ECE1: variants seen among roughly 807,000 people sequenced by gnomAD.
ECE1 encodes the protein endothelin converting enzyme 1.
A neutral mutation model predicts 98.6 loss-of-function variants in ECE1; 35 were observed. The observed-to-expected ratio is 0.35, with a 90% confidence interval of 0.27 to 0.47. The LOEUF is 0.47. ECE1 is among the 20% of genes least tolerant of loss of function. The probability of loss-of-function intolerance (pLI) is 1.00; values close to 1 mark genes in which losing one functional copy is unlikely to be tolerated. For synonymous variants in ECE1, 394 were observed against 407.1 expected (o/e 0.97, Z 0.39); for missense variants, 814 against 1,025.3 (o/e 0.79, Z 2.81).
chr1:21,304,315 C>CAAAAAAAA (rs71014183), intron 1 of ECE1, among the ~76,000 whole-genome samples: 1 of 48,640 alleles, frequency 2.1e-5, no homozygotes, highest in Non-Finnish European at 3.4e-5. Context: ...GACTCCCTCT[C>CAAAAAAAA]AAAAAAAAAA....
At chr1:21,287,960 G>GA (rs71569828) in intron 2 of ECE1, among the ~76,000 whole-genome samples, 11,947 of 139,302 alleles carry the variant, frequency 0.086, 547 homozygotes, top group Middle Eastern at 0.15. Flanking sequence ...TTACACTGGG[G>GA]AAAAAAAAAA....
chr1:21,222,058 T>C (rs2098168116), intron 17 of ECE1: 2 of 591,052 alleles, frequency 3.4e-6, no homozygotes, highest in African/African-American at 1.9e-5. Context: ...CTCTCACATT[T>C]ACACCTTCTG....
At chr1:21,279,574 GT>G (rs2098251979) in intron 2 of ECE1, 8 of 1,440,586 alleles carry the variant, frequency 5.6e-6, no homozygotes, top group Non-Finnish European at 7.3e-6. Context: ...CGACAGGCTT[GT>G]TTTTTTGTGT....
chr1:21,303,368 G>C (rs1033259538), intron 1 of ECE1, among the ~76,000 whole-genome samples: 1 of 152,192 alleles, frequency 6.6e-6, no homozygotes, highest in South Asian at 2.1e-4. Flanking sequence ...TTCAAATCCT[G>C]GCTCTCCCAA....
At position 21,221,226 on chromosome 1, in the gene ECE1, G is replaced by C. The variant is rs139811179; in HGVS notation, c.2136+521C>G. ...GCTATGTTGCCCGGGCTGGAGTGCA[G>C]TGGCGTGATCTTGGTTCACTGCAAC... On this transcript the variant is annotated intron_variant, in intron 18 of 18. Coordinates refer to ENST00000374893, the MANE Select transcript of ECE1 (RefSeq NM_001397.3). Among the ~76,000 whole-genome samples, 1,068 of 152,288 alleles carry C rather than the reference G, an allele frequency of 7.0e-3. 18 individuals carry two copies. Among genetic ancestry groups the C allele is most frequent in the African/African-American group, 0.024 (988 of 41,566 alleles).
In ECE1 at chr1:21,322,622, G is replaced by A. The variant is rs1392468721; in HGVS notation, c.3+22754C>T. Among the ~76,000 whole-genome samples, 1 of 152,232 alleles carries A rather than the reference G, an allele frequency of 6.6e-6. No individual in the cohort carries two copies. The highest frequency in any genetic ancestry group is 1.5e-5 in the Non-Finnish European group (1 of 68,040). ...AGGGGATGGGGACACCAGTGTGGTG[G>A]CACTGTTTGGCCCTGAGGGGTTGGA... On this transcript the variant is annotated intron_variant, in intron 1 of 18. Coordinates refer to the ECE1 transcript ENST00000415912. This position sits in a 1 kb window ranked among gnomAD's most constrained non-coding sequence, Gnocchi z 4.1.
At position 21,319,666 on chromosome 1, in the gene ECE1, C is replaced by G. The variant is rs918007272; in HGVS notation, c.3+25710G>C. 6.6e-6 allele frequency among the ~76,000 whole-genome samples: 1 copy of G among 152,176 alleles called. No individual in the cohort carries two copies. Among genetic ancestry groups the G allele is most frequent in the Non-Finnish European group, 1.5e-5 (1 of 68,034 alleles). On this transcript the variant is annotated intron_variant, in intron 1 of 18. Transcript: ENST00000415912. The surrounding 1 kb of genome is among the most constrained non-coding windows in gnomAD (Gnocchi z 4.4). ...GGCTCCATCCCTGTCCAACTCTCCT[C>G]AGCCTCTCCTGAGACCTGGCTCCTC...
chr1:21,297,151 C>A (rs1240714469), intron 1 of ECE1, among the ~76,000 whole-genome samples: 1 of 152,244 alleles, frequency 6.6e-6, no homozygotes, highest in East Asian at 1.9e-4. Flanking sequence ...TGCCTCCACA[C>A]ACACAGCGCT....
intron 14 of ECE1, among the ~76,000 whole-genome samples, chr1:21,232,866 C>A (rs1297573050): frequency 6.6e-6 from 1 of 151,984 alleles, no homozygotes; most frequent in Non-Finnish European, 1.5e-5. Flanking sequence ...TTAGTAGAGA[C>A]AGGGTTTTGC....
At chr1:21,250,267 A>G (rs1439009419) in intron 8 of ECE1, among the ~76,000 whole-genome samples, 3 of 152,246 alleles carry the variant, frequency 2.0e-5, no homozygotes, top group Admixed American at 6.5e-5. Context: ...CGCTTAGCAC[A>G]GTATCCTCAA....
chr1:21,290,395 G>A lies in ECE1; in HGVS notation c.20C>T (p.Pro7Leu). The A allele has an allele frequency of 1.6e-6, 2 of 1,238,576 alleles. No individual in the cohort carries two copies. Among genetic ancestry groups the A allele is most frequent in the East Asian group, 3.2e-5 (1 of 31,646 alleles). The allele number at this position is 1,238,576 out of a possible 1,614,324, so 76.7% of individuals were successfully genotyped here. A position where few individuals can be genotyped will look rare whatever the true frequency, so the allele number is the denominator to read the frequency against. ...CGCCGACAGCAGGGCGGACACCGGG[G>A]GCGGCCACACGCCCCGCATGCTGTG... MRGVWPPPVSALLSALG... is the reference protein window; with the variant it reads MRGVWPLPVSALLSALG... Residue 7 changes from proline (P) to leucine (L), a missense_variant, in exon 1 of 19, where the codon CCC becomes CTC. This residue lies in a region of ECE1 where 257 missense variants were observed against 278.9 expected (regional missense o/e 0.92). Transcript: ENST00000374893. The surrounding 1 kb of genome is among the most constrained non-coding windows in gnomAD (Gnocchi z 7.3).
At position 21,343,271 on chromosome 1, in the gene ECE1, C is replaced by T. The variant is rs3026807; in HGVS notation, c.3+2105G>A. Among the ~76,000 whole-genome samples the T allele has an allele frequency of 4.8e-4, 73 of 152,366 alleles. 1 individual carries two copies. The highest frequency in any genetic ancestry group is 1.7e-3 in the African/African-American group (71 of 41,578). ...TTATTCAGTCAATTCTTTCCTCCCT[C>T]ACATGGGGTTTGGCTTAGAGTAAGT... On this transcript the variant is annotated intron_variant, in intron 1 of 18. Transcript: ENST00000415912.
chr1:21,290,203 C>A lies in ECE1; in HGVS notation c.52-47G>T. On this transcript the variant is annotated intron_variant, in intron 1 of 18. Coordinates refer to ENST00000374893, the MANE Select transcript of ECE1 (RefSeq NM_001397.3). The surrounding 1 kb of genome is among the most constrained non-coding windows in gnomAD (Gnocchi z 7.3). ...GGACTCCCTCAGCGCCTCCATGGCTCTCGCGCCCGAATGGGGAAGCGGCCC... is the reference window on the plus strand; with the variant it reads ...GGACTCCCTCAGCGCCTCCATGGCTATCGCGCCCGAATGGGGAAGCGGCCC... 2.0e-6 allele frequency: 3 copies of A among 1,477,644 alleles called. No individual in the cohort carries two copies. The highest frequency in any genetic ancestry group is 2.7e-6 in the Non-Finnish European group (3 of 1,112,228). 91.5% of individuals were successfully genotyped at this position (1,477,644 alleles called of 1,614,324 possible). A position where few individuals can be genotyped will look rare whatever the true frequency, so the allele number is the denominator to read the frequency against.
At chr1:21,337,570 C>T (rs1639326339) in intron 1 of ECE1, among the ~76,000 whole-genome samples, 1 of 152,216 alleles carries the variant, frequency 6.6e-6, no homozygotes, top group African/African-American at 2.4e-5. Flanking sequence ...AACGTACAAT[C>T]TCTGCCCTCA....
At position 21,256,438 on chromosome 1, in the gene ECE1, C is replaced by T. The variant is rs554508524; in HGVS notation, c.829-300G>A. Among the ~76,000 whole-genome samples the T allele has an allele frequency of 5.9e-4, 90 of 152,304 alleles. 1 individual carries two copies. Among genetic ancestry groups the T allele is most frequent in the Middle Eastern group, 3.4e-3 (1 of 294 alleles). On this transcript the variant is annotated intron_variant, in intron 7 of 18. Transcript: ENST00000374893. Reference sequence around the variant, plus strand: ...GAGCATAGTGGGAGGTGCCTATAATCCCAGCTACTCAGGAGGCTGAGGCAG... The same window carrying T: ...GAGCATAGTGGGAGGTGCCTATAATTCCAGCTACTCAGGAGGCTGAGGCAG...
chr1:21,225,374 T>G lies in ECE1; in HGVS notation c.1916A>C (p.Lys639Thr), dbSNP rs747064522. 8 of 1,614,176 alleles carry G rather than the reference T, an allele frequency of 5.0e-6. No individual in the cohort carries two copies. The highest frequency in any genetic ancestry group is 6.8e-6 in the Non-Finnish European group (8 of 1,180,028). ...WWKNSSVEAF[K>T]RQTECMVEQY... is the part of the protein sequence containing the mutation. Reference sequence around the variant, plus strand: ...CTCTACCATGCACTCGGTCTGACGCTTGAAGGCCTCCACGGATGAGTTCTT... The same window carrying G: ...CTCTACCATGCACTCGGTCTGACGCGTGAAGGCCTCCACGGATGAGTTCTT... Residue 639 changes from lysine to threonine, a missense_variant, in exon 17 of 19, where the codon AAG becomes ACG. Coordinates refer to ENST00000374893, the MANE Select transcript of ECE1 (RefSeq NM_001397.3). The surrounding 1 kb of genome is among the most constrained non-coding windows in gnomAD (Gnocchi z 5.3).
intron 1 of ECE1, among the ~76,000 whole-genome samples, chr1:21,341,211 G>A (rs1022249158): frequency 1.3e-5 from 2 of 152,230 alleles, no homozygotes; most frequent in Non-Finnish European, 2.9e-5. Flanking sequence ...CTCTGTATCT[G>A]TCTGCCTGCC....
chr1:21,327,873 C>T lies in ECE1; in HGVS notation c.3+17503G>A, dbSNP rs565979193. ...GTGGCATTAGATTCTCGTAGGAGCG[C>T]GAACCCTATTGTGAACTGCACGTGC... On this transcript the variant is annotated intron_variant, in intron 1 of 18. Coordinates refer to the ECE1 transcript ENST00000415912. The surrounding 1 kb of genome is among the most constrained non-coding windows in gnomAD (Gnocchi z 4.6). Among the ~76,000 whole-genome samples, 3 of 152,302 alleles carry T rather than the reference C, an allele frequency of 2.0e-5. No homozygotes were observed. Among genetic ancestry groups the T allele is most frequent in the South Asian group, 2.1e-4 (1 of 4,830 alleles).
chr1:21,239,457 A>C (rs1384242130), intron 10 of ECE1, among the ~76,000 whole-genome samples: 1 of 152,248 alleles, frequency 6.6e-6, no homozygotes, highest in African/African-American at 2.4e-5. Context: ...CATGGCCCTA[A>C]ACTGACAACA....
Sources: allele counts gnomAD v4.1 joint callset (sites outside exome capture counted in the v4.1 genomes callset), GRCh38; gene constraint gnomAD v4.1.1; regional missense constraint gnomAD v4.1.1; non-coding constraint Gnocchi (gnomAD v3.1); transcripts MANE v1.5; gene names NCBI Gene and HGNC (gene_info 2026-07-23, HGNC 2026-07-21).